Variants in FAM229B observed in about 807,000 individuals in gnomAD.
FAM229B encodes family with sequence similarity 229 member B, also known as protein FAM229B.
A neutral mutation model predicts 6.7 loss-of-function variants in FAM229B; 2 were observed. The ratio of observed to expected loss-of-function variants is 0.30; its 90% CI spans 0.12 to 0.94. The LOEUF is 0.94. Among genes scored for constraint, FAM229B ranks in the 40% least tolerant of loss-of-function variants. FAM229B has a pLI of 0.54. For synonymous variants in FAM229B, 29 were observed against 34.0 expected, an observed-to-expected ratio of 0.85 and a Z score of 0.51; for missense variants, 93 against 96.2, an observed-to-expected ratio of 0.97 and a Z score of 0.14.
In FAM229B at chr6:112,101,704, A is replaced by G. The variant is rs1777401861; in HGVS notation, c.*917A>G. The G allele has an allele frequency of 6.6e-6, 1 of 152,080 alleles. No homozygotes were observed. The allele number at this position is 152,080 out of a possible 1,614,324, so 9.4% of individuals were successfully genotyped here. ...AAGACTGACTTTAGGATCAGATACA[A>G]TTTTCACCAGTGTTTTTTGTCTACC... is the stretch of plus-strand genomic sequence containing the variant. On this transcript the variant is annotated 3_prime_UTR_variant, in exon 4 of 4. Transcript: ENST00000368656.
rs1777404715 is a variant in FAM229B at position 112,102,010 on chromosome 6, T to C, written c.*1223T>C. On this transcript the variant is annotated 3_prime_UTR_variant, in exon 4 of 4. Coordinates refer to ENST00000368656, the MANE Select transcript of FAM229B (RefSeq NM_001033564.3). ...ACTGGAGCTAGACTAAAGGCTAATGTATACCAATTTTAAGAAAGCTTAAAA... is the reference window on the plus strand; with the variant it reads ...ACTGGAGCTAGACTAAAGGCTAATGCATACCAATTTTAAGAAAGCTTAAAA... 1 of 152,228 alleles carries C rather than the reference T, an allele frequency of 6.6e-6. No individual in the cohort carries two copies. The highest frequency in any genetic ancestry group is 1.5e-5 in the Non-Finnish European group (1 of 68,032). 9.4% of individuals were successfully genotyped at this position (152,228 alleles called of 1,614,324 possible). A position where few individuals can be genotyped will look rare whatever the true frequency, so the allele number is the denominator to read the frequency against.
At chr6:112,091,309 A>T (rs1234477616) in intron 1 of FAM229B, among the ~76,000 whole-genome samples, 2 of 152,164 alleles carry the variant, frequency 1.3e-5, no homozygotes, top group Non-Finnish European at 2.9e-5. Context: ...GTTCCTCATG[A>T]GCCTAAACTG....
At chr6:112,089,200 G>A (rs1207287688) in intron 1 of FAM229B, among the ~76,000 whole-genome samples, 1 of 152,006 alleles carries the variant, frequency 6.6e-6, no homozygotes, top group Non-Finnish European at 1.5e-5. Context: ...CAAATAGAGT[G>A]AACAGAATTC....
Position 112,088,356 on chromosome 6 carries a change from ACTT to A in FAM229B, c.-176+639_-176+641del, listed in dbSNP as rs1225745054. On this transcript the variant is annotated intron_variant, in intron 1 of 3. Transcript: ENST00000368656. ...AATTGTCAAACATTAAAATATGTAA[ACTT>A]CTATTGATCAAATTAGACCAGATTT... Among the ~76,000 whole-genome samples, 3 of 152,316 alleles carry A rather than the reference ACTT, an allele frequency of 2.0e-5. No homozygotes were observed. In the East Asian group the frequency reaches 5.8e-4, roughly 29 times the overall value.
chr6:112,091,994 A>G (rs587659309), intron 1 of FAM229B, among the ~76,000 whole-genome samples: 1 of 152,226 alleles, frequency 6.6e-6, no homozygotes, highest in South Asian at 2.1e-4. Context: ...AAGATTAGCA[A>G]ACTTAAAGAT....
At chr6:112,092,027 A>C (rs1464256447) in intron 1 of FAM229B, among the ~76,000 whole-genome samples, 1 of 152,160 alleles carries the variant, frequency 6.6e-6, no homozygotes, top group Non-Finnish European at 1.5e-5. Context: ...ACTGTGCAAA[A>C]TAAAACAGAG....
At chr6:112,088,222 G>A (rs1292950903) in intron 1 of FAM229B, among the ~76,000 whole-genome samples, 3 of 152,174 alleles carry the variant, frequency 2.0e-5, no homozygotes, top group African/African-American at 7.2e-5. Context: ...GTATGTAGAA[G>A]TCTGATAGAA....
intron 2 of FAM229B, 134 bp from the exon 3 acceptor site, chr6:112,099,136 C>G (rs1272677754): frequency 1.3e-6 from 1 of 769,348 alleles, no homozygotes; most frequent in Non-Finnish European, 2.0e-6. Context: ...AACCATTGCA[C>G]TCCAGCCTGG....
chr6:112,089,053 C>T (rs1777221223), intron 1 of FAM229B, among the ~76,000 whole-genome samples: 1 of 152,274 alleles, frequency 6.6e-6, no homozygotes, highest in Non-Finnish European at 1.5e-5. Flanking sequence ...TATGCAAACC[C>T]GGGTGAGCCA....
At chr6:112,094,722 G>A (rs1418412921) in intron 1 of FAM229B, among the ~76,000 whole-genome samples, 3 of 152,244 alleles carry the variant, frequency 2.0e-5, no homozygotes, top group East Asian at 1.9e-4. Context: ...AATGAATGAA[G>A]TCCATGGGTC....
rs959134851 is a variant in FAM229B at position 112,092,297 on chromosome 6, A to G, written c.-176+4577A>G. On this transcript the variant is annotated intron_variant, in intron 1 of 3. Transcript: ENST00000368656. ...TTAATATCAGTGATAAAAAGCAAAT[A>G]TTAAAGCCAGCCAGATAAAAAAGAC... 2.0e-5 allele frequency among the ~76,000 whole-genome samples: 3 copies of G among 152,112 alleles called. No homozygotes were observed. In the East Asian group the frequency reaches 5.8e-4, roughly 29 times the overall value.
intron 1 of FAM229B, among the ~76,000 whole-genome samples, chr6:112,095,091 G>T (rs1405253425): frequency 6.6e-6 from 1 of 152,120 alleles, no homozygotes; most frequent in Non-Finnish European, 1.5e-5. Flanking sequence ...CCCACTTACA[G>T]ATATTTTACT....
intron 1 of FAM229B, among the ~76,000 whole-genome samples, chr6:112,092,211 G>A (rs898988556): frequency 7.2e-5 from 11 of 151,942 alleles, no homozygotes; most frequent in South Asian, 2.1e-4. Context: ...CAAGAAGCTC[G>A]GTGAACCTTA....
chr6:112,096,698 A>G lies in FAM229B; in HGVS notation c.-175-343A>G, dbSNP rs1583606623. On this transcript the variant is annotated intron_variant, in intron 1 of 3. Transcript: ENST00000368656. Reference sequence around the variant, plus strand: ...TTAGAGAGAGGGTGTAAAGAATCCCATGTAAGAGTTATAGAGAAATTTGTA... The same window carrying G: ...TTAGAGAGAGGGTGTAAAGAATCCCGTGTAAGAGTTATAGAGAAATTTGTA... Among the ~76,000 whole-genome samples the G allele has an allele frequency of 4.6e-5, 7 of 152,264 alleles. No homozygotes were observed. In the South Asian group the frequency reaches 1.5e-3, roughly 32 times the overall value.
At position 112,089,529 on chromosome 6, in the gene FAM229B, A is replaced by G. The variant is rs115971373; in HGVS notation, c.-176+1809A>G. Reference sequence around the variant, plus strand: ...GCTGAGTCTTGTTGTTTTATCCACTACTAGGGATAGTACCTTGCATATAGT... The same window carrying G: ...GCTGAGTCTTGTTGTTTTATCCACTGCTAGGGATAGTACCTTGCATATAGT... On this transcript the variant is annotated intron_variant, in intron 1 of 3. Transcript: ENST00000368656. 7.8e-3 allele frequency among the ~76,000 whole-genome samples: 1,192 copies of G among 152,300 alleles called. 14 individuals are homozygous for G. Among genetic ancestry groups the G allele is most frequent in the African/African-American group, 0.021 (871 of 41,574 alleles).
At chr6:112,095,392 G>A (rs775159067) in intron 1 of FAM229B, among the ~76,000 whole-genome samples, 23 of 152,016 alleles carry the variant, frequency 1.5e-4, no homozygotes, top group Non-Finnish European at 2.6e-4. Context: ...AGCACTTTGG[G>A]AGGGTGAGGT....
intron 1 of FAM229B, among the ~76,000 whole-genome samples, chr6:112,092,454 A>G (rs1777270231): frequency 6.6e-6 from 1 of 152,096 alleles, no homozygotes; most frequent in South Asian, 2.1e-4. Context: ...AGAATTCTAT[A>G]CCCAGTTAAA....
At chr6:112,093,473 GA>G (rs1211581574) in intron 1 of FAM229B, among the ~76,000 whole-genome samples, 1 of 152,026 alleles carries the variant, frequency 6.6e-6, no homozygotes, top group Non-Finnish European at 1.5e-5. Flanking sequence ...CAAGTATATA[GA>G]AAATCAGTAA....
At chr6:112,091,258 T>G (rs1454024301) in intron 1 of FAM229B, among the ~76,000 whole-genome samples, 1 of 152,176 alleles carries the variant, frequency 6.6e-6, no homozygotes, top group East Asian at 1.9e-4. Context: ...CTTTATTTGT[T>G]AGAGAGTATG....
Sources: allele counts gnomAD v4.1 joint callset (sites outside exome capture counted in the v4.1 genomes callset), GRCh38; gene constraint gnomAD v4.1.1; transcripts MANE v1.5; gene names NCBI Gene and HGNC (gene_info 2026-07-23, HGNC 2026-07-21).